The following ZC3H3 variants were observed in gnomAD, a reference collection of about 807,000 sequenced individuals.
The protein encoded by ZC3H3 is zinc finger CCCH-type containing 3.
Under a neutral mutation model 77.3 loss-of-function variants are expected in ZC3H3, and 36 were observed. That is an observed-to-expected ratio of 0.47 (90% CI 0.36 to 0.61). ZC3H3 has a LOEUF of 0.61. Ranked by LOEUF, ZC3H3 falls within the 20% of genes least tolerant of loss-of-function variation. The pLI is 0.00. For synonymous variants in ZC3H3, 626 were observed against 555.2 expected (o/e 1.13, Z -1.79); for missense variants, 1,331 against 1,312.2 (o/e 1.01, Z -0.22).
chr8:143,510,075 C>T (rs1478262332), intron 3 of ZC3H3, among the ~76,000 whole-genome samples: 3 of 152,236 alleles, frequency 2.0e-5, no homozygotes, highest in Non-Finnish European at 4.4e-5. Context: ...CACACTCCTG[C>T]GCAGTGCTGG....
chr8:143,494,028 A>G lies in ZC3H3; in HGVS notation c.1715+13718T>C, dbSNP rs1248906260. 6.6e-6 allele frequency among the ~76,000 whole-genome samples: 1 copy of G among 152,222 alleles called. No homozygotes were observed. The highest frequency in any genetic ancestry group is 1.5e-5 in the Non-Finnish European group (1 of 68,040). On this transcript the variant is annotated intron_variant, in intron 4 of 11. Transcript: ENST00000262577. This position sits in a 1 kb window ranked among gnomAD's most constrained non-coding sequence, Gnocchi z 5.3. ...AGCCGTAACCGCCTGTTCCCATAAA[A>G]TAAAACTCTAAAAAACCTGCCGGAG...
rs1446014749 is a variant in ZC3H3 at position 143,538,835 on chromosome 8, T to C, written c.532A>G (p.Arg178Gly). 4 of 1,612,182 alleles carry C rather than the reference T, an allele frequency of 2.5e-6. No individual in the cohort carries two copies. The change falls in exon 2 of 12, where the codon AGA becomes GGA. Residue 178 changes from arginine to glycine, a missense_variant. Transcript: ENST00000262577. ...TCCACACTGCAGGTCCCCCTGGCTC[T>C]TGTTGGCCTCGAGGGCTGCAGCTGT... The part of the protein sequence containing the change: ...RGQLQPSRPT[R>G]ARGTCSVEDP...
chr8:143,540,783 C>T lies in ZC3H3; in HGVS notation c.46+593G>A, dbSNP rs556445921. On this transcript the variant is annotated intron_variant, in intron 1 of 11. Transcript: ENST00000262577. ...CCATCCTGGCCAACATGGTGAAACC[C>T]CGTCTCTACTCAAAATACAAAAATT... is the stretch of plus-strand genomic sequence containing the variant. Among the ~76,000 whole-genome samples, 4 of 152,204 alleles carry T rather than the reference C, an allele frequency of 2.6e-5. No individual in the cohort carries two copies. The South Asian group carries it at 8.3e-4, about 32-fold the overall frequency.
At position 143,468,666 on chromosome 8, in the gene ZC3H3, G is replaced by A; in HGVS notation, c.1904-7C>T. 1 of 1,549,186 alleles carries A rather than the reference G, an allele frequency of 6.5e-7. No homozygotes were observed. On this transcript the variant is annotated splice_region_variant and splice_polypyrimidine_tract_variant and intron_variant, in intron 5 of 11. Coordinates refer to ENST00000262577, the MANE Select transcript of ZC3H3 (RefSeq NM_015117.3). ...CCTGCAGGATCCAGCCGGCCTGTGG[G>A]GGAGAGAGGCACGGGTCATAGCAGG...
At chr8:143,485,394 T>C (rs572772284) in intron 4 of ZC3H3, among the ~76,000 whole-genome samples, 1 of 152,268 alleles carries the variant, frequency 6.6e-6, no homozygotes, top group South Asian at 2.1e-4. Context: ...ACAGTGAGGA[T>C]GGAGAGTCTG....
At chr8:143,478,277 G>A (rs919714926) in intron 4 of ZC3H3, among the ~76,000 whole-genome samples, 1 of 152,160 alleles carries the variant, frequency 6.6e-6, no homozygotes, top group South Asian at 2.1e-4. Flanking sequence ...CTCTCCAAAG[G>A]CACCCGGATG....
rs944994713 is a variant in ZC3H3 at position 143,536,134 on chromosome 8, T to C, written c.1561+123A>G. 6 of 1,223,560 alleles carry C rather than the reference T, an allele frequency of 4.9e-6. No individual in the cohort carries two copies. The Admixed American group carries it at 7.5e-5, about 15-fold the overall frequency. 75.8% of individuals were successfully genotyped at this position (1,223,560 alleles called of 1,614,324 possible). A position where few individuals can be genotyped will look rare whatever the true frequency, so the allele number is the denominator to read the frequency against. On this transcript the variant is annotated intron_variant, in intron 3 of 11. Coordinates refer to ENST00000262577, the MANE Select transcript of ZC3H3 (RefSeq NM_015117.3). ...CCCACCACCACCGTCTGCCAGGCAGTGCCCTCCCAGCCAGGGCCTCTACCA... is the reference window on the plus strand; with the variant it reads ...CCCACCACCACCGTCTGCCAGGCAGCGCCCTCCCAGCCAGGGCCTCTACCA...
rs35759992 is a variant in ZC3H3 at position 143,440,216 on chromosome 8, T to TGAGGAG, written c.2634_2639dup (p.Ser880_Ser881dup). On this transcript the variant is annotated inframe_insertion, in exon 11 of 12. Transcript: ENST00000262577. ...CGTGGTCCAAGGAAGCGGGAGGGGA[T>TGAGGAG]GAGGAGGAGGAGGAGGAGGAGGAAG... 189 of 1,568,302 alleles carry TGAGGAG rather than the reference T, an allele frequency of 1.2e-4. No individual in the cohort carries two copies. In the African/African-American group the frequency reaches 1.7e-3, roughly 14 times the overall value.
intron 4 of ZC3H3, among the ~76,000 whole-genome samples, chr8:143,499,164 G>A (rs544862602): frequency 5.3e-5 from 8 of 152,246 alleles, no homozygotes; most frequent in African/African-American, 1.7e-4. Flanking sequence ...TGTGAGGGAA[G>A]CCTGGGAGCA....
chr8:143,451,935 A>C (rs1416537643), intron 9 of ZC3H3, among the ~76,000 whole-genome samples: 1 of 152,248 alleles, frequency 6.6e-6, no homozygotes, highest in Non-Finnish European at 1.5e-5. Context: ...GCTGCGGAGA[A>C]GGTGCTGATG....
In ZC3H3 at chr8:143,507,798, G is replaced by A. The variant is rs1423953547; in HGVS notation, c.1663C>T (p.Pro555Ser). ...KTPASPLSAP[P>S]FPLSLPSWRA... ...CAGGAGGGCAGAGACAGGGGGAAGG[G>A]CGGGGCGCTGAGAGGCGAGGCCGGC... Residue 555 changes from proline (P) to serine (S), a missense_variant, in exon 4 of 12, where the codon CCC becomes TCC. By Grantham distance (74) the Pro-to-Ser change is moderately conservative. Coordinates refer to ENST00000262577, the MANE Select transcript of ZC3H3 (RefSeq NM_015117.3). The A allele has an allele frequency of 1.2e-6, 2 of 1,605,698 alleles. No homozygotes were observed. Among genetic ancestry groups the A allele is most frequent in the Non-Finnish European group, 1.7e-6 (2 of 1,178,002 alleles).
chr8:143,471,876 C>G (rs1045111720), intron 5 of ZC3H3, among the ~76,000 whole-genome samples: 3 of 152,242 alleles, frequency 2.0e-5, no homozygotes, highest in Admixed American at 6.5e-5. Flanking sequence ...TCAGCGGTAT[C>G]CCACAGCTGG....
At chr8:143,472,845 CG>C (rs1820612466) in intron 5 of ZC3H3, among the ~76,000 whole-genome samples, 1 of 152,196 alleles carries the variant, frequency 6.6e-6, no homozygotes, top group Admixed American at 6.5e-5. Flanking sequence ...GGTGAACAGG[CG>C]GGGCCAGCCT....
intron 5 of ZC3H3, 129 bp from the exon 6 acceptor site, chr8:143,468,788 A>G: frequency 7.1e-6 from 9 of 1,259,876 alleles, no homozygotes; most frequent in Non-Finnish European, 9.6e-6. Flanking sequence ...CCCCTCCAGG[A>G]AACTGCCCAG....
At chr8:143,500,263 T>G (rs988643435) in intron 4 of ZC3H3, among the ~76,000 whole-genome samples, 14 of 152,228 alleles carry the variant, frequency 9.2e-5, no homozygotes, top group Non-Finnish European at 2.1e-4. Context: ...AGAGCCTGCC[T>G]GCTCAAACTC....
chr8:143,536,826 G>A (rs1474638994), intron 2 of ZC3H3, among the ~76,000 whole-genome samples: 2 of 152,124 alleles, frequency 1.3e-5, no homozygotes, highest in African/African-American at 2.4e-5. Context: ...TGAGGAGAGC[G>A]GCCACCGGCC....
chr8:143,478,129 A>T (rs1820793691), intron 4 of ZC3H3, among the ~76,000 whole-genome samples: 1 of 152,068 alleles, frequency 6.6e-6, no homozygotes, highest in Non-Finnish European at 1.5e-5. Context: ...CCAGCTCTCC[A>T]CCTGGGTCCA....
chr8:143,454,823 C>A (rs1225781717), intron 9 of ZC3H3, among the ~76,000 whole-genome samples: 1 of 152,142 alleles, frequency 6.6e-6, no homozygotes, highest in Non-Finnish European at 1.5e-5. Flanking sequence ...ACACTGTATA[C>A]ACGACCTAAC....
intron 5 of ZC3H3, among the ~76,000 whole-genome samples, chr8:143,469,822 T>G (rs1249838719): frequency 6.6e-6 from 1 of 152,154 alleles, no homozygotes; most frequent in East Asian, 1.9e-4. Context: ...CCCGGGTTCC[T>G]CAAATACGCG....
Sources: allele counts gnomAD v4.1 joint callset (sites outside exome capture counted in the v4.1 genomes callset), GRCh38; gene constraint gnomAD v4.1.1; non-coding constraint Gnocchi (gnomAD v3.1); transcripts MANE v1.5; gene names NCBI Gene and HGNC (gene_info 2026-07-23, HGNC 2026-07-21).